The following KCNG2 variants were observed in gnomAD, a reference collection of about 807,000 sequenced individuals.
The protein encoded by KCNG2 is voltage-gated potassium channel regulatory subunit KCNG2.
Under a neutral mutation model 12.3 loss-of-function variants are expected in KCNG2, and 7 were observed. The ratio of observed to expected loss-of-function variants is 0.57; its 90% CI spans 0.32 to 1.07. The LOEUF (loss-of-function observed/expected upper bound fraction) is 1.07, where lower values mean the gene tolerates loss of function less well. KCNG2 is among the 50% of genes least tolerant of loss of function. KCNG2 has a pLI of 0.04. For missense variants in KCNG2, 703 were observed against 726.0 expected, an observed-to-expected ratio of 0.97 and a Z score of 0.36; for synonymous variants, 414 against 351.4, an observed-to-expected ratio of 1.18 and a Z score of -1.99.
In KCNG2 at chr18:79,899,817, C is replaced by T; in HGVS notation, c.*1C>T. ...GCTGTGGGTGCGGGCAGGGCGCTGA[C>T]GCCTGCGCCGCCCACACGGAGACCC... is the stretch of plus-strand genomic sequence containing the variant. On this transcript the variant is annotated 3_prime_UTR_variant, in exon 4 of 4. Transcript: ENST00000316249. 3 of 1,367,566 alleles carry T rather than the reference C, an allele frequency of 2.2e-6. No individual in the cohort carries two copies. Among genetic ancestry groups the T allele is most frequent in the Non-Finnish European group, 1.9e-6 (2 of 1,066,204 alleles). The allele number at this position is 1,367,566 out of a possible 1,614,324, so 84.7% of individuals were successfully genotyped here.
intron 1 of KCNG2, among the ~76,000 whole-genome samples, chr18:79,852,831 T>C (rs867173532): frequency 6.6e-6 from 1 of 152,252 alleles, no homozygotes; most frequent in Non-Finnish European, 1.5e-5. Flanking sequence ...AGTGTCCCTG[T>C]GAGGACGGGC....
At chr18:79,880,443 A>C (rs1240513005) in intron 3 of KCNG2, among the ~76,000 whole-genome samples, 1 of 152,224 alleles carries the variant, frequency 6.6e-6, no homozygotes, top group African/African-American at 2.4e-5. Flanking sequence ...GGTAATTAAA[A>C]AAATTAAATT....
intron 1 of KCNG2, among the ~76,000 whole-genome samples, chr18:79,856,115 T>C (rs1244202458): frequency 2.0e-5 from 3 of 152,364 alleles, no homozygotes; most frequent in African/African-American, 7.2e-5. Flanking sequence ...TTAAAATGTA[T>C]GTTCTGGGAG....
intron 1 of KCNG2, among the ~76,000 whole-genome samples, chr18:79,851,812 G>A (rs182993347): frequency 4.6e-4 from 70 of 152,208 alleles, no homozygotes; most frequent in African/African-American, 1.6e-3. Flanking sequence ...GTGTGTGAAT[G>A]TGCATGTGAA....
chr18:79,860,530 C>A (rs930781814), intron 2 of KCNG2, among the ~76,000 whole-genome samples: 1 of 152,106 alleles, frequency 6.6e-6, no homozygotes, highest in Non-Finnish European at 1.5e-5. Context: ...GTATTTTATT[C>A]TTTCTGATGC....
intron 3 of KCNG2, among the ~76,000 whole-genome samples, chr18:79,866,173 T>G (rs983972016): frequency 3.5e-5 from 5 of 143,646 alleles, no homozygotes; most frequent in Non-Finnish European, 7.5e-5. Flanking sequence ...GAGGACTGTG[T>G]GCTGAGAGGT....
chr18:79,833,684 A>C (rs2123027892), intron 1 of KCNG2, among the ~76,000 whole-genome samples: 1 of 152,356 alleles, frequency 6.6e-6, no homozygotes, highest in South Asian at 2.1e-4. Flanking sequence ...GCTAAGTCCA[A>C]ATATGTGGTA....
At chr18:79,826,223 C>T (rs537502) in intron 1 of KCNG2, among the ~76,000 whole-genome samples, 32,797 of 152,264 alleles carry the variant, frequency 0.22, 4,464 homozygotes, top group Non-Finnish European at 0.31. Flanking sequence ...GGAGAAGGGT[C>T]GCTTCAGACG....
At position 79,899,614 on chromosome 18, in the gene KCNG2, C is replaced by G; in HGVS notation, c.1199C>G (p.Pro400Arg). 6.3e-7 allele frequency: 1 copy of G among 1,599,064 alleles called. No homozygotes were observed. The highest frequency in any genetic ancestry group is 8.5e-7 in the Non-Finnish European group (1 of 1,171,986). The change falls in exon 4 of 4, where the codon CCG becomes CGG. Residue 400 changes from proline (P) to arginine (R), a missense_variant. Coordinates refer to ENST00000316249, the MANE Select transcript of KCNG2 (RefSeq NM_012283.2). ...ILSGILLMAF[P>R]VTSIFHTFSR... ...AGCGGCATCCTGCTCATGGCCTTCC[C>G]GGTCACCTCCATCTTCCACACCTTT...
rs1247764319 is a variant in KCNG2 at position 79,800,867 on chromosome 18, G to A, written c.-115+2853G>A. On this transcript the variant is annotated intron_variant, in intron 1 of 3. Coordinates refer to ENST00000316249, the MANE Select transcript of KCNG2 (RefSeq NM_012283.2). The surrounding 1 kb of genome is among the most constrained non-coding windows in gnomAD (Gnocchi z 4.0). ...TGTCAAGTCAAAATGGGTCCCCGGC[G>A]GGGCCAGGAGAACACCCAGACTCAT... Among the ~76,000 whole-genome samples, 1 of 152,242 alleles carries A rather than the reference G, an allele frequency of 6.6e-6. No individual in the cohort carries two copies. Among genetic ancestry groups the A allele is most frequent in the East Asian group, 1.9e-4 (1 of 5,186 alleles).
At chr18:79,838,055 G>A (rs539311427) in intron 1 of KCNG2, among the ~76,000 whole-genome samples, 37 of 152,296 alleles carry the variant, frequency 2.4e-4, no homozygotes, top group Non-Finnish European at 3.5e-4. Context: ...AGGAGAAAGC[G>A]AGAGTGAGTG....
intron 3 of KCNG2, among the ~76,000 whole-genome samples, chr18:79,867,886 A>T (rs1465590239): frequency 6.6e-6 from 1 of 151,966 alleles, no homozygotes; most frequent in Non-Finnish European, 1.5e-5. Context: ...TACCTGGGGG[A>T]CACTCATTGA....
intron 3 of KCNG2, 72 bp downstream of exon 3, chr18:79,864,363 T>A: frequency 2.6e-5 from 1 of 38,936 alleles, no homozygotes; most frequent in South Asian, 2.0e-4. Flanking sequence ...TGCGGGGAGG[T>A]GGGTGGGGGA....
At chr18:79,828,176 C>T (rs968162057) in intron 1 of KCNG2, among the ~76,000 whole-genome samples, 2 of 152,216 alleles carry the variant, frequency 1.3e-5, no homozygotes, top group Admixed American at 6.5e-5. Flanking sequence ...CCGCCCACCT[C>T]GGCCTCCCAA....
intron 1 of KCNG2, among the ~76,000 whole-genome samples, chr18:79,849,847 G>A (rs1978755316): frequency 6.6e-6 from 1 of 152,118 alleles, no homozygotes; most frequent in African/African-American, 2.4e-5. Context: ...GGTCCGCTGT[G>A]GTTTAGTGGG....
At chr18:79,862,247 C>A (rs552543154) in intron 2 of KCNG2, among the ~76,000 whole-genome samples, 3 of 152,238 alleles carry the variant, frequency 2.0e-5, no homozygotes, top group African/African-American at 7.2e-5. Flanking sequence ...TCAGACTCTC[C>A]CCTCTCCCCA....
At chr18:79,812,598 C>T (rs775480425) in intron 1 of KCNG2, among the ~76,000 whole-genome samples, 5 of 152,214 alleles carry the variant, frequency 3.3e-5, no homozygotes, top group Non-Finnish European at 5.9e-5. Flanking sequence ...TGGTGGCTCA[C>T]GCCTGTAATC....
In KCNG2 at chr18:79,900,014, C is replaced by G. The variant is rs1981162335; in HGVS notation, c.*198C>G. On this transcript the variant is annotated 3_prime_UTR_variant, in exon 4 of 4. Transcript: ENST00000316249. The stretch of plus-strand genomic sequence containing the variant: ...CCCGTGGCAGCGCTGGGCAAAGTCA[C>G]TGGCCTTTGTCCTCCTGCCCCACCC... The G allele has an allele frequency of 5.3e-5, 21 of 398,846 alleles. No individual in the cohort carries two copies. The East Asian group carries it at 8.3e-4, about 16-fold the overall frequency. The allele number at this position is 398,846 out of a possible 1,614,324, so 24.7% of individuals were successfully genotyped here. A position where few individuals can be genotyped will look rare whatever the true frequency, so the allele number is the denominator to read the frequency against.
intron 1 of KCNG2, among the ~76,000 whole-genome samples, chr18:79,818,637 T>C (rs1023130500): frequency 3.9e-5 from 6 of 152,218 alleles, no homozygotes; most frequent in Non-Finnish European, 7.3e-5. Context: ...GCATCTCCGA[T>C]GCGGAAACTG....
Sources: gnomAD v4.1 joint callset for allele counts (sites outside exome capture counted in the v4.1 genomes callset) on GRCh38, gnomAD v4.1.1 for gene constraint, Gnocchi (gnomAD v3.1) non-coding constraint, MANE v1.5 for transcripts, NCBI Gene and HGNC (gene_info 2026-07-23, HGNC 2026-07-21) for gene names.